Variants in RB1CC1 observed in about 807,000 individuals in gnomAD.
RB1CC1 encodes the protein RB1 inducible coiled-coil 1, also known as RB1-inducible coiled-coil protein 1.
Under a neutral mutation model 177.5 loss-of-function variants are expected in RB1CC1, and 46 were observed. The ratio of observed to expected loss-of-function variants is 0.26; its 90% CI spans 0.20 to 0.33. The LOEUF (loss-of-function observed/expected upper bound fraction) is 0.33. Among genes scored for constraint, RB1CC1 ranks in the 10% least tolerant of loss-of-function variants. The probability of loss-of-function intolerance (pLI) is 1.00; values close to 1 mark genes in which losing one functional copy is unlikely to be tolerated. For missense variants in RB1CC1, 1,703 were observed against 1,816.3 expected (o/e 0.94, Z 1.13); for synonymous variants, 666 against 613.6 (o/e 1.09, Z -1.26).
chr8:52,689,501 C>G (rs1854612004), intron 1 of RB1CC1, among the ~76,000 whole-genome samples: 1 of 152,172 alleles, frequency 6.6e-6, no homozygotes, highest in African/African-American at 2.4e-5. Context: ...TGCTTTAAAA[C>G]TCAAGACGAT....
intron 22 of RB1CC1, among the ~76,000 whole-genome samples, chr8:52,626,809 T>A (rs1017462010): frequency 1.8e-3 from 2 of 1,110 alleles, no homozygotes; most frequent in African/African-American, 7.6e-3. Context: ...CATGATGGAG[T>A]TGTCATGGGG....
At chr8:52,713,668 AGTCAAGATGCGTCTTGGGAGGTTCGGAC>A (rs1195021851) in intron 1 of RB1CC1, among the ~76,000 whole-genome samples, 1 of 152,206 alleles carries the variant, frequency 6.6e-6, no homozygotes, top group African/African-American at 2.4e-5. Context: ...GATGAGCACA[AGTCAAGATGCGTCTTGGGAGGTTCGGAC>A]GTCCCTCGCC....
chr8:52,677,902 T>C (rs1388832669), intron 5 of RB1CC1, among the ~76,000 whole-genome samples: 2 of 152,142 alleles, frequency 1.3e-5, no homozygotes, highest in East Asian at 1.9e-4. Flanking sequence ...AGCTGTTGGG[T>C]ACATTAAAGC....
chr8:52,674,386 T>A, intron 6 of RB1CC1, 112 bp from the exon 7 acceptor site: 1 of 921,650 alleles, frequency 1.1e-6, no homozygotes, highest in South Asian at 1.6e-5. Flanking sequence ...CACCTCTCCA[T>A]AACATTATAC....
rs1397498627 is a variant in RB1CC1, at chr8:52,673,881, T to G, written c.966A>C (p.Glu322Asp). Reference sequence around the variant, plus strand: ...AATCAAAGCACTTCCTGACCAAAGATTCCACATCATTAGGTCTATCTTGAA... The same window carrying G: ...AATCAAAGCACTTCCTGACCAAAGAGTCCACATCATTAGGTCTATCTTGAA... ...INVQDRPNDV[E>D]SLVRKCFDSM... Residue 322 changes from glutamate (E) to aspartate (D), a missense_variant, in exon 7 of 24, where the codon GAA (glutamate) becomes GAC (aspartate). This residue lies in a region of RB1CC1 where 315 missense variants were observed against 304.9 expected (regional missense o/e 1.03). Transcript: ENST00000025008. 6.2e-7 allele frequency: 1 copy of G among 1,612,854 alleles called. No homozygotes were observed. Among genetic ancestry groups the G allele is most frequent in the East Asian group, 2.2e-5 (1 of 44,824 alleles).
Position 52,636,056 on chromosome 8 carries a change from TATGA to T in RB1CC1, c.4347_4350del (p.His1450CysfsTer9). 1 of 1,606,026 alleles carries T rather than the reference TATGA, an allele frequency of 6.2e-7. No homozygotes were observed. Among genetic ancestry groups the T allele is most frequent in the Non-Finnish European group, 8.5e-7 (1 of 1,177,818 alleles). The stretch of plus-strand genomic sequence containing the variant: ...ATCCGCTGTTTTTCTTCAGACAACA[TATGA>T]ATATTTTCTCTAAAAGTGAGAATAA... On this transcript the variant is annotated frameshift_variant, in exon 19 of 24. Transcript: ENST00000025008. LOFTEE classifies it high-confidence loss of function.
intron 20 of RB1CC1, among the ~76,000 whole-genome samples, 179 bp downstream of exon 20, chr8:52,634,740 ACT>A (rs1849002858): frequency 1.3e-5 from 2 of 152,190 alleles, no homozygotes. Flanking sequence ...TCAGGAGATA[ACT>A]CTGGCCTGAC....
Position 52,691,880 on chromosome 8 carries a change from C to T in RB1CC1, c.-166-4913G>A, listed in dbSNP as rs529225784. Reference sequence around the variant, plus strand: ...ACGGCCACAAATGCTCTTCTTTCCTCCACATGTCCTAAGTAAATGGCACAT... The same window carrying T: ...ACGGCCACAAATGCTCTTCTTTCCTTCACATGTCCTAAGTAAATGGCACAT... On this transcript the variant is annotated intron_variant, in intron 1 of 23. Transcript: ENST00000025008. 8.6e-4 allele frequency among the ~76,000 whole-genome samples: 131 copies of T among 152,324 alleles called. 1 individual carries two copies. Among genetic ancestry groups the T allele is most frequent in the South Asian group, 3.3e-3 (16 of 4,832 alleles).
In RB1CC1 at chr8:52,657,589, G is replaced by A. The variant is rs890767747; in HGVS notation, c.2240C>T (p.Ser747Phe). Residue 747 changes from serine (S) to phenylalanine (F), a missense_variant, in exon 15 of 24, where the codon TCT (serine) becomes TTT (phenylalanine). Ser to Phe is a radical substitution (Grantham distance 155, BLOSUM62 -2). Transcript: ENST00000025008. ...NEFVIEENLS[S>F]PNPISDPQSP... ...TTGTGGATCACTTATAGGATTAGGA[G>A]ACGACAAATTTTCTTCTATTACAAA... 6.2e-7 allele frequency: 1 copy of A among 1,614,062 alleles called. No individual in the cohort carries two copies. Among genetic ancestry groups the A allele is most frequent in the Admixed American group, 1.7e-5 (1 of 60,016 alleles).
chr8:52,635,988 G>A (rs1849113207), intron 19 of RB1CC1, 27 bp downstream of exon 19: 2 of 1,602,788 alleles, frequency 1.2e-6, no homozygotes, highest in African/African-American at 2.7e-5. Flanking sequence ...TATTAAACAT[G>A]GTACTTCAAG....
intron 20 of RB1CC1, among the ~76,000 whole-genome samples, chr8:52,633,758 G>T (rs1285826255): frequency 1.3e-5 from 2 of 152,052 alleles, no homozygotes; most frequent in South Asian, 2.1e-4. Flanking sequence ...TCAAATAATT[G>T]GTTAAATTCA....
intron 1 of RB1CC1, among the ~76,000 whole-genome samples, chr8:52,697,823 T>G (rs986095175): frequency 6.6e-6 from 1 of 152,230 alleles, no homozygotes; most frequent in Non-Finnish European, 1.5e-5. Context: ...GTATTTTAAA[T>G]AATTATGATG....
intron 15 of RB1CC1, among the ~76,000 whole-genome samples, chr8:52,653,298 T>C (rs1850782177): frequency 6.6e-6 from 1 of 152,096 alleles, no homozygotes; most frequent in East Asian, 1.9e-4. Context: ...TTAATGGGAA[T>C]GACAGGCTTC....
Position 52,658,089 on chromosome 8 carries a change from T to C in RB1CC1, c.1829A>G (p.Gln610Arg), listed in dbSNP as rs759041197. The change falls in exon 14 of 24, where the codon CAG becomes CGG. Residue 610 changes from glutamine (Q) to arginine (R), a missense_variant. Physicochemically the swap from Gln to Arg is conservative, Grantham distance 43. Around this residue, in one of 6 missense-constraint regions of RB1CC1, gnomAD observed 1,169 missense variants for 1,184.7 expected, o/e 0.99. Transcript: ENST00000025008. Reference sequence around the variant, plus strand: ...CAAATTATGTAGAGCAAGTACATGCTGGTGTAGAGGTTCAAAGTCACAAAG... The same window carrying C: ...CAAATTATGTAGAGCAAGTACATGCCGGTGTAGAGGTTCAAAGTCACAAAG... The part of the protein sequence containing the change: ...PLLCDFEPLH[Q>R]HVLALHNLVK... 1.9e-6 allele frequency: 3 copies of C among 1,613,932 alleles called. No homozygotes were observed. Among genetic ancestry groups the C allele is most frequent in the Non-Finnish European group, 2.5e-6 (3 of 1,179,962 alleles).
intron 1 of RB1CC1, among the ~76,000 whole-genome samples, chr8:52,698,517 G>A (rs1227693419): frequency 1.3e-5 from 2 of 151,658 alleles, no homozygotes; most frequent in African/African-American, 2.4e-5. Flanking sequence ...GTTTCACTGT[G>A]TTAGCCAGGG....
intron 6 of RB1CC1, among the ~76,000 whole-genome samples, chr8:52,675,431 G>C (rs1044542519): frequency 6.6e-6 from 1 of 151,936 alleles, no homozygotes; most frequent in South Asian, 2.1e-4. Flanking sequence ...AAAAGCATAT[G>C]CACACACACA....
intron 8 of RB1CC1, among the ~76,000 whole-genome samples, 161 bp downstream of exon 8, chr8:52,667,859 GA>G: frequency 6.6e-6 from 1 of 152,108 alleles, no homozygotes. Flanking sequence ...CAATCATTAA[GA>G]ACATGCTTTT....
chr8:52,667,985 A>C (rs375127765), intron 8 of RB1CC1, 36 bp downstream of exon 8: 24 of 1,578,842 alleles, frequency 1.5e-5, no homozygotes, highest in Non-Finnish European at 1.9e-5. Context: ...AAAAAACTAT[A>C]AATTCCTTTT....
intron 1 of RB1CC1, among the ~76,000 whole-genome samples, chr8:52,703,499 G>C (rs897530529): frequency 1.3e-5 from 2 of 152,248 alleles, no homozygotes; most frequent in African/African-American, 4.8e-5. Flanking sequence ...CTCCTGAAAT[G>C]AGGTGCATGA....
Sources: allele counts gnomAD v4.1 joint callset (sites outside exome capture counted in the v4.1 genomes callset), GRCh38; gene constraint gnomAD v4.1.1; regional missense constraint gnomAD v4.1.1; transcripts MANE v1.5; gene names NCBI Gene and HGNC (gene_info 2026-07-23, HGNC 2026-07-21).